The following SMYD3 variants were observed in gnomAD, a reference collection of about 807,000 sequenced individuals.
The protein encoded by SMYD3 is SET and MYND domain containing 3.
In SMYD3, 36 loss-of-function variants were observed where a neutral mutation model predicts 57.7. The observed-to-expected ratio is 0.62, with a 90% CI of 0.48 to 0.82. SMYD3 has a LOEUF of 0.82. SMYD3 is among the 40% of genes least tolerant of loss of function. SMYD3 has a pLI of 0.00. For missense variants in SMYD3, 515 were observed against 538.8 expected (o/e 0.96, Z 0.44); for synonymous variants, 211 against 195.0 (o/e 1.08, Z -0.68).
At chr1:246,134,044 C>G (rs1273120420) in intron 5 of SMYD3, among the ~76,000 whole-genome samples, 1 of 152,036 alleles carries the variant, frequency 6.6e-6, no homozygotes, top group African/African-American at 2.4e-5. Flanking sequence ...AAAGACAGCC[C>G]GGGGAAATGA....
At chr1:246,366,345 T>C (rs2148723371) in intron 1 of SMYD3, among the ~76,000 whole-genome samples, 1 of 152,262 alleles carries the variant, frequency 6.6e-6, no homozygotes, top group Non-Finnish European at 1.5e-5. Context: ...AAATTCTTAC[T>C]TTCAAAAAAA....
intron 1 of SMYD3, among the ~76,000 whole-genome samples, chr1:246,479,114 CCT>C (rs1350168046): frequency 1.3e-5 from 2 of 151,396 alleles, no homozygotes; most frequent in Non-Finnish European, 2.9e-5. Context: ...GTACACCTGT[CCT>C]CTGTCCTGGA....
intron 5 of SMYD3, among the ~76,000 whole-genome samples, chr1:246,011,244 C>T (rs867235511): frequency 6.6e-6 from 1 of 152,150 alleles, no homozygotes; most frequent in South Asian, 2.1e-4. Context: ...TTGAAAAACA[C>T]TCCTCAAACA....
chr1:245,803,922 T>TTC (rs2048004177), intron 10 of SMYD3, among the ~76,000 whole-genome samples: 1 of 151,104 alleles, frequency 6.6e-6, no homozygotes, highest in Non-Finnish European at 1.5e-5. Context: ...TATTTTTTTT[T>TTC]TTTTTTTTTG....
intron 8 of SMYD3, among the ~76,000 whole-genome samples, chr1:245,899,740 CCA>C (rs948468409): frequency 2.0e-5 from 3 of 152,154 alleles, no homozygotes; most frequent in African/African-American, 7.2e-5. Flanking sequence ...CCATTGGAAT[CCA>C]CAGACTCAGT....
intron 5 of SMYD3, among the ~76,000 whole-genome samples, chr1:245,962,168 G>GA (rs1257529595): frequency 6.6e-6 from 1 of 152,084 alleles, no homozygotes; most frequent in East Asian, 1.9e-4. Flanking sequence ...TGTTAGGGGA[G>GA]AAAAAACCAT....
intron 8 of SMYD3, among the ~76,000 whole-genome samples, chr1:245,905,735 G>A (rs2054517328): frequency 6.6e-6 from 1 of 152,180 alleles, no homozygotes; most frequent in South Asian, 2.1e-4. Flanking sequence ...AGCAGCCAGG[G>A]AGTGGTTACA....
chr1:246,002,475 C>T lies in SMYD3; in HGVS notation c.532-72538G>A, dbSNP rs868394336. On this transcript the variant is annotated intron_variant, in intron 5 of 11. Coordinates refer to ENST00000490107, the MANE Select transcript of SMYD3 (RefSeq NM_001167740.2). ...CTGGGATTACAGGCGCCCGCCACCACGCCCGGCTAATTTTTTGTATTTTTA... is the reference window on the plus strand; with the variant it reads ...CTGGGATTACAGGCGCCCGCCACCATGCCCGGCTAATTTTTTGTATTTTTA... 9.4e-5 allele frequency among the ~76,000 whole-genome samples: 5 copies of T among 53,256 alleles called. 1 individual carries two copies. The highest frequency in any genetic ancestry group is 2.5e-4 in the Admixed American group (1 of 4,070). The allele number at this position is 53,256 out of a possible 152,430, so 34.9% of individuals were successfully genotyped here.
At position 246,208,704 on chromosome 1, in the gene SMYD3, C is replaced by T. The variant is rs187521869; in HGVS notation, c.531+118497G>A. Among the ~76,000 whole-genome samples, 12 of 152,256 alleles carry T rather than the reference C, an allele frequency of 7.9e-5. No homozygotes were observed. The East Asian group carries it at 1.4e-3, about 17-fold the overall frequency. On this transcript the variant is annotated intron_variant, in intron 5 of 11. Transcript: ENST00000490107. ...TCCTCTCGTGGACGGTATAAAAATG[C>T]GTGACTATTTACGCAGAACCATTCA...
At chr1:246,231,241 A>G (rs1038663541) in intron 5 of SMYD3, among the ~76,000 whole-genome samples, 1 of 152,150 alleles carries the variant, frequency 6.6e-6, no homozygotes, top group African/African-American at 2.4e-5. Context: ...TCAAATAGGT[A>G]TATTTTCTCT....
chr1:246,231,208 T>A (rs541794347), intron 5 of SMYD3, among the ~76,000 whole-genome samples: 1 of 152,304 alleles, frequency 6.6e-6, no homozygotes, highest in African/African-American at 2.4e-5. Context: ...CTCTTCTCTC[T>A]CATCCCAGCT....
intron 5 of SMYD3, chr1:246,113,871 C>A (rs936794502): frequency 6.6e-6 from 1 of 152,152 alleles, no homozygotes; most frequent in African/African-American, 2.4e-5. Context: ...AAATGACCAC[C>A]TCACTCTACT....
At chr1:245,777,560 C>G (rs1482656474) in intron 10 of SMYD3, among the ~76,000 whole-genome samples, 1 of 152,062 alleles carries the variant, frequency 6.6e-6, no homozygotes, top group African/African-American at 2.4e-5. Context: ...TGGGAAATTG[C>G]ATGTACACAA....
intron 5 of SMYD3, among the ~76,000 whole-genome samples, chr1:246,147,623 G>A (rs992969497): frequency 1.3e-4 from 19 of 151,886 alleles, no homozygotes; most frequent in African/African-American, 4.1e-4. Flanking sequence ...TATGGAGCAG[G>A]CAGGCGCCCC....
chr1:246,240,826 C>A (rs1235419451), intron 5 of SMYD3, among the ~76,000 whole-genome samples: 1 of 151,982 alleles, frequency 6.6e-6, no homozygotes, highest in African/African-American at 2.4e-5. Flanking sequence ...AAGTTGGATT[C>A]CTAGGTATTT....
chr1:246,345,005 G>A (rs555668946), intron 2 of SMYD3, among the ~76,000 whole-genome samples: 1 of 152,272 alleles, frequency 6.6e-6, no homozygotes, highest in South Asian at 2.1e-4. Context: ...GGGAAACAGG[G>A]GGAAAGAGAG....
In SMYD3 at chr1:245,751,440, G is replaced by A. The variant is rs948843657; in HGVS notation, c.1186-1776C>T. Among the ~76,000 whole-genome samples the A allele has an allele frequency of 5.9e-5, 9 of 152,182 alleles. No individual in the cohort carries two copies. The Middle Eastern group carries it at 0.014, about 230-fold the overall frequency. On this transcript the variant is annotated intron_variant, in intron 11 of 11. Transcript: ENST00000490107. ...ATGGGTAATTTCAACCTCTGTTTCTGGCTTCTTTTTTCACCTCTTGAATGT... is the reference window on the plus strand; with the variant it reads ...ATGGGTAATTTCAACCTCTGTTTCTAGCTTCTTTTTTCACCTCTTGAATGT...
chr1:246,009,952 T>C (rs2148188449), intron 5 of SMYD3, among the ~76,000 whole-genome samples: 1 of 506 alleles, frequency 2.0e-3, no homozygotes. Flanking sequence ...GTAGCTAGGA[T>C]CACAGGTGAG....
At chr1:245,850,415 G>A (rs1476035224) in intron 10 of SMYD3, among the ~76,000 whole-genome samples, 1 of 152,178 alleles carries the variant, frequency 6.6e-6, no homozygotes, top group Non-Finnish European at 1.5e-5. Flanking sequence ...TCCCAGGCTG[G>A]GTTCAGTGGC....
Sources: allele counts gnomAD v4.1 joint callset (sites outside exome capture counted in the v4.1 genomes callset), GRCh38; gene constraint gnomAD v4.1.1; transcripts MANE v1.5; gene names NCBI Gene and HGNC (gene_info 2026-07-23, HGNC 2026-07-21).